Variants in TLN2 observed in about 807,000 individuals in gnomAD.
The protein encoded by TLN2 is talin 2, also known as talin-2.
Under a neutral mutation model 294.7 loss-of-function variants are expected in TLN2, and 118 were observed. That is an observed-to-expected ratio of 0.40 (90% CI 0.34 to 0.47). The LOEUF is 0.47. TLN2 is among the 20% of genes least tolerant of loss of function. The probability of loss-of-function intolerance (pLI) is 0.84; values close to 1 mark genes in which losing one functional copy is unlikely to be tolerated. For missense variants in TLN2, 3,083 were observed against 3,282.2 expected (o/e 0.94, Z 1.48); for synonymous variants, 1,431 against 1,304.5 (o/e 1.10, Z -2.09).
At chr15:62,629,587 C>G (rs1273487324) in intron 3 of TLN2, among the ~76,000 whole-genome samples, 1 of 152,108 alleles carries the variant, frequency 6.6e-6, no homozygotes, top group South Asian at 2.1e-4. Context: ...CAAAGTTGTC[C>G]TGACATTCCA....
intron 29 of TLN2, 84 bp downstream of exon 29, chr15:62,737,170 C>T: frequency 7.1e-7 from 1 of 1,415,656 alleles, no homozygotes; most frequent in South Asian, 1.3e-5. Context: ...GGCACTTTTC[C>T]CTGATATGAA....
At chr15:62,771,798 C>T (rs1217752747) in intron 42 of TLN2, among the ~76,000 whole-genome samples, 1 of 152,210 alleles carries the variant, frequency 6.6e-6, no homozygotes, top group African/African-American at 2.4e-5. Flanking sequence ...GGAGGATGGA[C>T]TGGGCTGCAG....
intron 55 of TLN2, 105 bp downstream of exon 55, chr15:62,833,734 A>G (rs7165954): frequency 0.78 from 1,146,151 of 1,467,628 alleles, 454,065 homozygotes; most frequent in Non-Finnish European, 0.82. Context: ...AAACACATGC[A>G]GTGCCTTCCC....
intron 5 of TLN2, among the ~76,000 whole-genome samples, chr15:62,651,761 C>A (rs2052610793): frequency 6.6e-6 from 1 of 152,112 alleles, no homozygotes; most frequent in Non-Finnish European, 1.5e-5. Context: ...AAATGAAATG[C>A]AGCAATAACA....
intron 43 of TLN2, among the ~76,000 whole-genome samples, chr15:62,779,445 C>A (rs1424294166): frequency 6.6e-6 from 1 of 152,140 alleles, no homozygotes; most frequent in Admixed American, 6.5e-5. Flanking sequence ...ATGCTAGCAC[C>A]CACAAAAGGA....
At chr15:62,423,978 A>G (rs2034561852) in intron 1 of TLN2, among the ~76,000 whole-genome samples, 1 of 152,150 alleles carries the variant, frequency 6.6e-6, no homozygotes, top group Non-Finnish European at 1.5e-5. Context: ...TGTTAACGTT[A>G]ATTGCAACTA....
rs550161532 is a variant in TLN2, at chr15:62,631,702, TCTCC to T, written c.-37+13244_-37+13247del. 8.9e-4 allele frequency among the ~76,000 whole-genome samples: 127 copies of T among 142,818 alleles called. No individual in the cohort carries two copies. In the Middle Eastern group the frequency reaches 0.014, roughly 16 times the overall value. 93.7% of individuals were successfully genotyped at this position (142,818 alleles called of 152,430 possible). On this transcript the variant is annotated intron_variant, in intron 3 of 58. Coordinates refer to ENST00000636159, the MANE Select transcript of TLN2 (RefSeq NM_015059.3). ...CTCTCTTTCTGTCTTTCTTTCTTTCTCTCCCTCCCTCCCTCCCTCCTCCCGCTTT... is the reference window on the plus strand; with the variant it reads ...CTCTCTTTCTGTCTTTCTTTCTTTCTCTCCCTCCCTCCCTCCTCCCGCTTT...
intron 1 of TLN2, among the ~76,000 whole-genome samples, chr15:62,420,725 A>T (rs2034343388): frequency 6.6e-6 from 1 of 152,226 alleles, no homozygotes; most frequent in Non-Finnish European, 1.5e-5. Context: ...CTGGGCCTTA[A>T]AGCATGACAA....
Position 62,697,832 on chromosome 15 carries a change from G to T in TLN2, c.1437G>T (p.Met479Ile). ...GSMPSPQQQV[M>I]VGQMHRGHMP... is the part of the protein sequence containing the mutation. Reference sequence around the variant, plus strand: ...TGCCCTCGCCACAGCAGCAGGTCATGGTTGGGCAGATGCACCGAGGCCACA... The same window carrying T: ...TGCCCTCGCCACAGCAGCAGGTCATTGTTGGGCAGATGCACCGAGGCCACA... Residue 479 changes from methionine (M) to isoleucine (I), a missense_variant, in exon 15 of 59, where the codon ATG becomes ATT. Transcript: ENST00000636159. The T allele has an allele frequency of 6.2e-7, 1 of 1,612,990 alleles. No individual in the cohort carries two copies. The highest frequency in any genetic ancestry group is 8.5e-7 in the Non-Finnish European group (1 of 1,179,880).
At chr15:62,694,435 A>G (rs757907693) in intron 14 of TLN2, 43 bp downstream of exon 14, 9 of 1,566,194 alleles carry the variant, frequency 5.7e-6, no homozygotes, top group South Asian at 2.2e-5. Context: ...TTCTCCCTAG[A>G]TAGGTAGGTT....
At chr15:62,636,137 GTA>G (rs2050358084) in intron 3 of TLN2, among the ~76,000 whole-genome samples, 1 of 152,170 alleles carries the variant, frequency 6.6e-6, no homozygotes, top group Admixed American at 6.5e-5. Context: ...ATATATGTAT[GTA>G]TTAGTTTTAA....
intron 40 of TLN2, 78 bp downstream of exon 40, chr15:62,763,773 G>A (rs1173223721): frequency 1.4e-6 from 2 of 1,454,826 alleles, no homozygotes; most frequent in African/African-American, 2.8e-5. Flanking sequence ...TGGAGGGGTA[G>A]AGGTTGTAGG....
chr15:62,644,924 A>T, intron 3 of TLN2: 1 of 244,752 alleles, frequency 4.1e-6, no homozygotes, highest in Non-Finnish European at 8.1e-6. Flanking sequence ...CGCTTACAAC[A>T]CTTCGTTTTC....
intron 1 of TLN2, among the ~76,000 whole-genome samples, chr15:62,393,113 G>A (rs1488208156): frequency 6.6e-6 from 1 of 152,078 alleles, no homozygotes; most frequent in East Asian, 1.9e-4. Context: ...GCCTCAATCC[G>A]TTTTAAGTTT....
intron 1 of TLN2, among the ~76,000 whole-genome samples, chr15:62,511,324 C>T (rs544206959): frequency 2.6e-5 from 4 of 152,294 alleles, no homozygotes; most frequent in African/African-American, 9.6e-5. Context: ...CCATACTTTT[C>T]CATGAAAATT....
intron 17 of TLN2, 75 bp from the exon 18 acceptor site, chr15:62,701,917 C>A: frequency 6.5e-7 from 1 of 1,529,206 alleles, no homozygotes; most frequent in South Asian, 1.2e-5. Flanking sequence ...GGAACTCCTG[C>A]CAGTGTGGGG....
At chr15:62,409,192 C>T (rs991988750) in intron 1 of TLN2, among the ~76,000 whole-genome samples, 5 of 145,690 alleles carry the variant, frequency 3.4e-5, no homozygotes, top group Admixed American at 6.8e-5. Flanking sequence ...TGGCCAGTCT[C>T]TAACTCCTGA....
intron 37 of TLN2, among the ~76,000 whole-genome samples, chr15:62,756,622 G>A (rs2062269028): frequency 6.6e-6 from 1 of 152,170 alleles, no homozygotes; most frequent in African/African-American, 2.4e-5. Context: ...TAAGGGTTTT[G>A]TATTCATTCA....
intron 45 of TLN2, chr15:62,784,659 C>G (rs1256701765): frequency 2.0e-5 from 3 of 152,244 alleles, no homozygotes; most frequent in African/African-American, 7.2e-5. Flanking sequence ...GAGTCCAGGG[C>G]TTGGGGGAAC....
Sources: gnomAD v4.1 joint callset for allele counts (sites outside exome capture counted in the v4.1 genomes callset) on GRCh38, gnomAD v4.1.1 for gene constraint, MANE v1.5 for transcripts, NCBI Gene and HGNC (gene_info 2026-07-23, HGNC 2026-07-21) for gene names.